EYS: variants seen among roughly 807,000 people sequenced by gnomAD.
EYS encodes EGF-like photoreceptor maintenance factor.
Under a neutral mutation model 282.1 loss-of-function variants are expected in EYS, and 250 were observed. That is an observed-to-expected ratio of 0.89 (90% CI 0.80 to 0.98). The LOEUF is 0.98. Ranked by LOEUF, EYS falls within the 50% of genes least tolerant of loss-of-function variation. The pLI, the probability that EYS is intolerant of heterozygous loss-of-function variation, is 0.00. For synonymous variants in EYS, 1,355 were observed against 1,282.9 expected (o/e 1.06, Z -1.20); for missense variants, 4,016 against 3,709.0 (o/e 1.08, Z -2.15).
At chr6:65,384,535 A>T (rs959618419) in intron 7 of EYS, 35 bp from the exon 8 acceptor site, 3 of 1,042,058 alleles carry the variant, frequency 2.9e-6, no homozygotes, top group Non-Finnish European at 3.0e-6. Flanking sequence ...GAAAAATTAT[A>T]ATTTAAATGT....
chr6:64,774,328 A>C (rs182530237), intron 22 of EYS, among the ~76,000 whole-genome samples: 1 of 152,060 alleles, frequency 6.6e-6, no homozygotes, highest in East Asian at 1.9e-4. Context: ...AAATGTTAAC[A>C]TAAGTCCATA....
intron 13 of EYS, among the ~76,000 whole-genome samples, chr6:65,013,941 G>T (rs923922819): frequency 2.0e-5 from 3 of 152,178 alleles, no homozygotes; most frequent in African/African-American, 7.2e-5. Flanking sequence ...TTATATGGAA[G>T]AAAAGATTGT....
chr6:63,759,246 AT>A (rs937915006), intron 41 of EYS, among the ~76,000 whole-genome samples: 5 of 152,078 alleles, frequency 3.3e-5, no homozygotes, highest in African/African-American at 1.2e-4. Flanking sequence ...TTTAGCCAAA[AT>A]TTCCCCACGA....
intron 26 of EYS, among the ~76,000 whole-genome samples, chr6:64,476,658 T>G (rs901812779): frequency 2.0e-5 from 3 of 152,216 alleles, no homozygotes; most frequent in Non-Finnish European, 4.4e-5. Context: ...TGGCTCTATA[T>G]TCATTATTAT....
At chr6:64,886,652 G>T (rs1329531372) in intron 19 of EYS, 45 bp downstream of exon 19, 17 of 1,443,490 alleles carry the variant, frequency 1.2e-5, no homozygotes, top group Non-Finnish European at 1.4e-5. Flanking sequence ...CTATTTGCTT[G>T]CAGACAGAAA....
intron 12 of EYS, among the ~76,000 whole-genome samples, chr6:65,271,128 T>TTATATATATATACA (rs1767888597): frequency 3.6e-5 from 2 of 55,788 alleles, no homozygotes; most frequent in African/African-American, 1.1e-4. Context: ...AATCAATAGA[T>TTATATATATATACA]TATATATATA....
At chr6:64,724,651 T>G (rs899510912) in intron 22 of EYS, among the ~76,000 whole-genome samples, 17 of 152,210 alleles carry the variant, frequency 1.1e-4, no homozygotes, top group Non-Finnish European at 2.1e-4. Flanking sequence ...CTATAGAATC[T>G]TTAGAAAGGT....
At chr6:64,382,977 T>C (rs1007534613) in intron 29 of EYS, among the ~76,000 whole-genome samples, 10 of 152,160 alleles carry the variant, frequency 6.6e-5, no homozygotes, top group Admixed American at 2.0e-4. Flanking sequence ...CCATGGTGTA[T>C]TGTTGTCTCA....
intron 5 of EYS, among the ~76,000 whole-genome samples, chr6:65,432,196 A>G (rs1277608994): frequency 6.6e-6 from 1 of 152,180 alleles, no homozygotes; most frequent in African/African-American, 2.4e-5. Context: ...GGATTGCAAT[A>G]GCTGTTTTAT....
intron 12 of EYS, among the ~76,000 whole-genome samples, chr6:65,270,767 A>G (rs947148072): frequency 3.3e-5 from 5 of 152,024 alleles, no homozygotes; most frequent in Admixed American, 3.3e-4. Flanking sequence ...AAATTCAGCA[A>G]AGTTCTTTGC....
intron 8 of EYS, among the ~76,000 whole-genome samples, chr6:65,370,669 C>G (rs1415531392): frequency 6.6e-6 from 1 of 151,800 alleles, no homozygotes; most frequent in Non-Finnish European, 1.5e-5. Flanking sequence ...CTATGTATTG[C>G]TATAAAATGT....
chr6:63,833,047 G>A (rs925353936), intron 36 of EYS, among the ~76,000 whole-genome samples: 11 of 152,060 alleles, frequency 7.2e-5, no homozygotes, highest in African/African-American at 4.8e-5. Flanking sequence ...CAATAAACTA[G>A]GTATTGATGG....
intron 24 of EYS, among the ~76,000 whole-genome samples, chr6:64,610,801 T>A (rs1037957125): frequency 6.6e-6 from 1 of 152,200 alleles, no homozygotes; most frequent in African/African-American, 2.4e-5. Context: ...TTAAACTACA[T>A]TTTTCATTAT....
At position 64,969,739 on chromosome 6, in the gene EYS, C is replaced by A. The variant is rs141491329; in HGVS notation, c.2260-23825G>T. ...AGTGATGTTAAGATTATATGATAAG[C>A]CTTCCAAGCAAAGTCTTCCTTCACA... is the stretch of plus-strand genomic sequence containing the variant. On this transcript the variant is annotated intron_variant, in intron 14 of 42. Coordinates refer to ENST00000503581, the MANE Select transcript of EYS (RefSeq NM_001142800.2). 9.4e-4 allele frequency among the ~76,000 whole-genome samples: 143 copies of A among 152,230 alleles called. 2 individuals are homozygous for A. The highest frequency in any genetic ancestry group is 1.6e-3 in the Non-Finnish European group (107 of 68,022).
chr6:64,031,994 C>G (rs780064808), intron 33 of EYS, among the ~76,000 whole-genome samples: 3 of 152,134 alleles, frequency 2.0e-5, no homozygotes, highest in Non-Finnish European at 4.4e-5. Flanking sequence ...CTGCTGCTCT[C>G]TCTTTGGGTC....
chr6:64,273,876 G>A (rs1156693283), intron 30 of EYS, among the ~76,000 whole-genome samples: 1 of 152,124 alleles, frequency 6.6e-6, no homozygotes, highest in Non-Finnish European at 1.5e-5. Flanking sequence ...AAACCTTCAA[G>A]TCTTTCTGGC....
At chr6:63,983,911 TAAAA>T in intron 35 of EYS, among the ~76,000 whole-genome samples, 1 of 151,752 alleles carries the variant, frequency 6.6e-6, no homozygotes, top group Middle Eastern at 3.4e-3. Context: ...GGATTGCAAA[TAAAA>T]AGAGAAAACA....
intron 12 of EYS, among the ~76,000 whole-genome samples, chr6:65,221,358 G>A (rs1426290993): frequency 6.6e-6 from 1 of 152,198 alleles, no homozygotes; most frequent in East Asian, 1.9e-4. Context: ...CAGGCCTAGG[G>A]CCATGCTGCT....
chr6:65,223,066 A>G (rs1005801526), intron 12 of EYS, among the ~76,000 whole-genome samples: 19 of 152,232 alleles, frequency 1.2e-4, no homozygotes, highest in African/African-American at 4.6e-4. Context: ...AAGCAATGAT[A>G]AATTTAACAA....
Sources: gnomAD v4.1 joint callset for allele counts (sites outside exome capture counted in the v4.1 genomes callset) on GRCh38, gnomAD v4.1.1 for gene constraint, MANE v1.5 for transcripts, NCBI Gene and HGNC (gene_info 2026-07-23, HGNC 2026-07-21) for gene names.